The following SMC1B variants were observed in gnomAD, a reference collection of about 807,000 sequenced individuals.
SMC1B encodes the protein structural maintenance of chromosomes protein 1B.
In SMC1B, 60 loss-of-function variants were observed where a neutral mutation model predicts 157.9. That is an observed-to-expected ratio of 0.38 (90% CI 0.31 to 0.47). The LOEUF (loss-of-function observed/expected upper bound fraction) is 0.47, where lower values mean the gene tolerates loss of function less well. Ranked by LOEUF, SMC1B falls within the 20% of genes least tolerant of loss-of-function variation. The pLI is 0.99. For synonymous variants in SMC1B, 445 were observed against 483.0 expected, an observed-to-expected ratio of 0.92 and a Z score of 1.03; for missense variants, 1,165 against 1,426.2, an observed-to-expected ratio of 0.82 and a Z score of 2.95.
intron 20 of SMC1B, among the ~76,000 whole-genome samples, chr22:45,354,365 T>TGTATGTATGTATGTATGTAA (rs1274301458): frequency 6.6e-6 from 1 of 151,234 alleles, no homozygotes; most frequent in African/African-American, 2.4e-5. Flanking sequence ...TGATAGGGTA[T>TGTATGTATGTATGTATGTAA]GTATGTATGT....
intron 9 of SMC1B, 29 bp downstream of exon 9, chr22:45,393,605 T>C: frequency 6.5e-7 from 1 of 1,530,650 alleles, no homozygotes; most frequent in South Asian, 1.2e-5. Context: ...TAGTTTTTTT[T>C]GTTTAAATTA....
chr22:45,398,108 C>T (rs565704070), intron 6 of SMC1B, among the ~76,000 whole-genome samples: 19 of 152,270 alleles, frequency 1.2e-4, no homozygotes, highest in South Asian at 1.2e-3. Flanking sequence ...AACATGCCTT[C>T]GGACGTGCAT....
rs1052725944 is a variant in SMC1B at position 45,354,066 on chromosome 22, C to T, written c.3185G>A (p.Arg1062Lys). 1 of 1,603,880 alleles carries T rather than the reference C, an allele frequency of 6.2e-7. No individual in the cohort carries two copies. The highest frequency in any genetic ancestry group is 1.1e-5 in the South Asian group (1 of 88,828). Residue 1062 changes from arginine (R) to lysine (K), a missense_variant, in exon 21 of 25, where the codon AGA becomes AAA. Coordinates refer to ENST00000357450, the MANE Select transcript of SMC1B (RefSeq NM_148674.5). ...AAAACACTGGGTGAAAAGATCGTAT[C>T]TCCTTTTTTTCACTTGCTCGAACTC... Reference protein sequence around the residue: ...RQEFEQVKKRRYDLFTQCFEH... With the variant: ...RQEFEQVKKRKYDLFTQCFEH...
intron 12 of SMC1B, among the ~76,000 whole-genome samples, chr22:45,379,673 G>T (rs1357014967): frequency 6.7e-6 from 1 of 149,238 alleles, no homozygotes; most frequent in African/African-American, 2.5e-5. Flanking sequence ...ATTATAATTA[G>T]GTCTATTCTA....
At position 45,408,759 on chromosome 22, in the gene SMC1B, T is replaced by C. The variant is rs768726609; in HGVS notation, c.249A>G (p.Ile83Met). The C allele has an allele frequency of 5.0e-6, 8 of 1,599,666 alleles. No individual in the cohort carries two copies. The highest frequency in any genetic ancestry group is 6.8e-6 in the Non-Finnish European group (8 of 1,175,312). The change falls in exon 2 of 25, where the codon ATA becomes ATG. Residue 83 changes from isoleucine (I) to methionine (M), a missense_variant. Coordinates refer to ENST00000357450, the MANE Select transcript of SMC1B (RefSeq NM_148674.5). Reference protein sequence around the residue: ...PISSSASVKIIYVEESGEEKT... With the variant: ...PISSSASVKIMYVEESGEEKT... ...TCTCTTCGCCACTTTCCTCCACATA[T>C]ATAATTTTTACACTTGCAGAAGAAG...
At chr22:45,390,492 G>T (rs527496694) in intron 9 of SMC1B, among the ~76,000 whole-genome samples, 16 of 152,164 alleles carry the variant, frequency 1.1e-4, no homozygotes, top group African/African-American at 3.9e-4. Flanking sequence ...CAGATCATGG[G>T]GTCAAGAGAT....
Position 45,369,997 on chromosome 22 carries a change from C to T in SMC1B, c.2377G>A (p.Glu793Lys), listed in dbSNP as rs1195205757. 7 of 1,598,542 alleles carry T rather than the reference C, an allele frequency of 4.4e-6. No individual in the cohort carries two copies. Among genetic ancestry groups the T allele is most frequent in the Non-Finnish European group, 6.0e-6 (7 of 1,172,546 alleles). The change falls in exon 15 of 25, where the codon GAG becomes AAG. Residue 793 changes from glutamate to lysine, a missense_variant. Physicochemically the swap from Glu to Lys is moderately conservative, Grantham distance 56. Coordinates refer to ENST00000357450, the MANE Select transcript of SMC1B (RefSeq NM_148674.5). ...EIGVENIREF[E>K]NKHVKRQQEI... The stretch of plus-strand genomic sequence containing the variant: ...TGTTGCCGTTTAACATGTTTGTTCT[C>T]AAATTCACGAATATTTTCCACGCCA...
chr22:45,395,725 C>T (rs2087115198), intron 7 of SMC1B, among the ~76,000 whole-genome samples: 3 of 152,088 alleles, frequency 2.0e-5, no homozygotes, highest in South Asian at 2.1e-4. Context: ...AGCATGGTGG[C>T]GCATGCCTGT....
chr22:45,387,630 T>C (rs2087004046), intron 10 of SMC1B, among the ~76,000 whole-genome samples: 1 of 152,178 alleles, frequency 6.6e-6, no homozygotes, highest in Non-Finnish European at 1.5e-5. Context: ...GATAAAACAA[T>C]GCATAGGAAG....
intron 21 of SMC1B, among the ~76,000 whole-genome samples, chr22:45,353,741 G>A (rs895533723): frequency 1.3e-5 from 2 of 151,734 alleles, no homozygotes; most frequent in African/African-American, 4.8e-5. Context: ...TTCAGATGAA[G>A]AAACAGACCC....
At chr22:45,361,790 A>G (rs2086724020) in intron 17 of SMC1B, 49 bp downstream of exon 17, 2 of 1,556,586 alleles carry the variant, frequency 1.3e-6, no homozygotes, top group Non-Finnish European at 1.8e-6. Flanking sequence ...GTTGGTGTCC[A>G]TGTTTAAAAC....
intron 15 of SMC1B, among the ~76,000 whole-genome samples, chr22:45,364,925 C>T (rs1270748474): frequency 6.6e-6 from 1 of 151,068 alleles, no homozygotes; most frequent in Non-Finnish European, 1.5e-5. Flanking sequence ...GCAAGCTCCG[C>T]TTCCCGGGTT....
intron 21 of SMC1B, 54 bp downstream of exon 21, chr22:45,353,916 AAAAACAAC>A: frequency 3.6e-6 from 3 of 833,668 alleles, no homozygotes; most frequent in Non-Finnish European, 5.3e-6. Flanking sequence ...AAAAAAAAAA[AAAAACAAC>A]CACCACCGGT....
Position 45,413,502 on chromosome 22 carries a change from G to T in SMC1B, c.66C>A (p.Gly22=). The change falls in exon 1 of 25, where the codon GGC becomes GGA. Residue 22 remains glycine (G), a synonymous_variant. Coordinates refer to ENST00000357450, the MANE Select transcript of SMC1B (RefSeq NM_148674.5). The part of the protein sequence containing the change: ...FKSWRGRQVI[G]PFRRFTCIIG... ...TGATGCAGGTGAACCTCCGGAAGGG[G>T]CCAATGACCTGGCGGCCCCGCCACG... The T allele has an allele frequency of 6.2e-7, 1 of 1,609,912 alleles. No individual in the cohort carries two copies. The highest frequency in any genetic ancestry group is 8.5e-7 in the Non-Finnish European group (1 of 1,178,174).
At chr22:45,375,376 T>C (rs893437793) in intron 12 of SMC1B, among the ~76,000 whole-genome samples, 2 of 152,232 alleles carry the variant, frequency 1.3e-5, no homozygotes, top group African/African-American at 4.8e-5. Flanking sequence ...TCTGACCACC[T>C]TGGGCACATG....
At chr22:45,357,208 G>A (rs1222772505) in intron 19 of SMC1B, among the ~76,000 whole-genome samples, 3 of 152,236 alleles carry the variant, frequency 2.0e-5, no homozygotes, top group Non-Finnish European at 4.4e-5. Context: ...ATCTCTGAAG[G>A]TTGTAGCTGT....
intron 21 of SMC1B, 70 bp downstream of exon 21, chr22:45,353,908 A>AC: frequency 3.0e-6 from 2 of 675,112 alleles, no homozygotes; most frequent in Non-Finnish European, 4.4e-6. Context: ...AAAAAAAAAA[A>AC]AAAAAAAAAA....
At chr22:45,356,774 G>A (rs1233285118) in intron 19 of SMC1B, among the ~76,000 whole-genome samples, 1 of 129,690 alleles carries the variant, frequency 7.7e-6, no homozygotes, top group African/African-American at 3.0e-5. Flanking sequence ...CTGTCACCCT[G>A]GCTGGAGTGC....
rs1052725944 is a variant in SMC1B, at chr22:45,354,066, C to G, written c.3185G>C (p.Arg1062Thr). 6.2e-7 allele frequency: 1 copy of G among 1,603,880 alleles called. No homozygotes were observed. The highest frequency in any genetic ancestry group is 1.1e-5 in the South Asian group (1 of 88,828). The stretch of plus-strand genomic sequence containing the variant: ...AAAACACTGGGTGAAAAGATCGTAT[C>G]TCCTTTTTTTCACTTGCTCGAACTC... ...RQEFEQVKKR[R>T]YDLFTQCFEH... Residue 1062 changes from arginine to threonine, a missense_variant, in exon 21 of 25, where the codon AGA (arginine) becomes ACA (threonine). Coordinates refer to ENST00000357450, the MANE Select transcript of SMC1B (RefSeq NM_148674.5).
Sources: gnomAD v4.1 joint callset for allele counts (sites outside exome capture counted in the v4.1 genomes callset) on GRCh38, gnomAD v4.1.1 for gene constraint, MANE v1.5 for transcripts, NCBI Gene and HGNC (gene_info 2026-07-23, HGNC 2026-07-21) for gene names.